The following ASCC3 variants were observed in gnomAD, a reference collection of about 807,000 sequenced individuals.
ASCC3 encodes ASC-1 complex subunit P200.
A neutral mutation model predicts 256.3 loss-of-function variants in ASCC3; 158 were observed. The ratio of observed to expected loss-of-function variants is 0.62; its 90% CI spans 0.54 to 0.70. The LOEUF (loss-of-function observed/expected upper bound fraction) is 0.70, where lower values mean the gene tolerates loss of function less well. ASCC3 is among the 30% of genes least tolerant of loss of function. The probability of loss-of-function intolerance (pLI) is 0.00; values close to 1 mark genes in which losing one functional copy is unlikely to be tolerated. For missense variants in ASCC3, 2,259 were observed against 2,626.0 expected (o/e 0.86, Z 3.05); for synonymous variants, 948 against 883.4 (o/e 1.07, Z -1.30).
intron 4 of ASCC3, among the ~76,000 whole-genome samples, chr6:100,824,072 C>A (rs1475200734): frequency 6.6e-6 from 1 of 152,096 alleles, no homozygotes; most frequent in South Asian, 2.1e-4. Flanking sequence ...CATAAATCTA[C>A]AAACTGGGTT....
Position 100,509,402 on chromosome 6 carries a change from T to G in ASCC3, c.6593A>C (p.Asp2198Ala). The change falls in exon 42 of 42, where the codon GAC becomes GCC. Residue 2198 changes from aspartate (D) to alanine (A), a missense_variant. Physicochemically the swap from Asp to Ala is moderately radical, Grantham distance 126. This residue lies in a region of ASCC3 where 1,839 missense variants were observed against 2,206.7 expected (regional missense o/e 0.83). Transcript: ENST00000369162. ...VNTKVSDSLT[D>A]LALK ...CAGGTCAAGTTACTTTAATGCCAGG[T>G]CAGTCAGGGAATCAGAGACCTTGGT... The G allele has an allele frequency of 1.2e-6, 2 of 1,614,180 alleles. No individual in the cohort carries two copies. Among genetic ancestry groups the G allele is most frequent in the South Asian group, 1.1e-5 (1 of 91,088 alleles).
At chr6:100,562,838 C>T (rs1373802886) in intron 36 of ASCC3, among the ~76,000 whole-genome samples, 1 of 151,974 alleles carries the variant, frequency 6.6e-6, no homozygotes, top group Non-Finnish European at 1.5e-5. Flanking sequence ...TATCAAATTT[C>T]CAGGTCAATG....
chr6:100,710,525 T>G (rs1267534782), intron 13 of ASCC3, among the ~76,000 whole-genome samples: 3 of 152,142 alleles, frequency 2.0e-5, no homozygotes, highest in African/African-American at 7.2e-5. Context: ...AGGCAATGAA[T>G]GGATTTACAA....
chr6:100,593,359 C>T (rs1010106703), intron 34 of ASCC3, among the ~76,000 whole-genome samples: 2 of 152,054 alleles, frequency 1.3e-5, no homozygotes, highest in African/African-American at 4.8e-5. Flanking sequence ...TAAAAATTTA[C>T]AAAGTTCGTA....
At chr6:100,805,589 G>T (rs2114363768) in intron 5 of ASCC3, among the ~76,000 whole-genome samples, 171 bp downstream of exon 5, 1 of 152,108 alleles carries the variant, frequency 6.6e-6, no homozygotes, top group African/African-American at 2.4e-5. Context: ...CTCCTATTTA[G>T]ATCACTTACG....
chr6:100,594,293 T>C (rs1176751109), intron 34 of ASCC3, among the ~76,000 whole-genome samples: 1 of 152,142 alleles, frequency 6.6e-6, no homozygotes, highest in African/African-American at 2.4e-5. Context: ...ATATTCTTCC[T>C]TCCCAAGGAA....
intron 34 of ASCC3, among the ~76,000 whole-genome samples, chr6:100,596,539 AAT>A (rs1350455046): frequency 6.6e-6 from 1 of 152,154 alleles, no homozygotes; most frequent in Non-Finnish European, 1.5e-5. Flanking sequence ...GTTTGTTACC[AAT>A]ATGATACACT....
intron 13 of ASCC3, among the ~76,000 whole-genome samples, chr6:100,701,813 T>C (rs1582722957): frequency 6.6e-6 from 1 of 152,172 alleles, no homozygotes; most frequent in East Asian, 1.9e-4. Context: ...AAGAATTTGG[T>C]AGAGTACAAC....
At chr6:100,626,721 T>C (rs969467795) in intron 29 of ASCC3, among the ~76,000 whole-genome samples, 2 of 152,142 alleles carry the variant, frequency 1.3e-5, no homozygotes, top group Admixed American at 1.3e-4. Flanking sequence ...TGATAAATCA[T>C]ATTAGAGATA....
intron 30 of ASCC3, among the ~76,000 whole-genome samples, chr6:100,608,090 C>CTATATATATATATATATGTATATATATG (rs1474884642): frequency 1.4e-5 from 1 of 71,622 alleles, no homozygotes; most frequent in Non-Finnish European, 2.7e-5. Context: ...GTATATATAT[C>CTATATATATATATATATGTATATATATG]TATATACACA....
chr6:100,858,006 CCT>C (rs1468237381), intron 3 of ASCC3: 2 of 159,672 alleles, frequency 1.3e-5, no homozygotes, highest in Non-Finnish European at 2.7e-5. Context: ...TTGGTATATC[CCT>C]CTGTTTATTT....
intron 10 of ASCC3, among the ~76,000 whole-genome samples, chr6:100,760,049 T>G (rs1049617892): frequency 1.3e-5 from 2 of 152,158 alleles, no homozygotes; most frequent in Admixed American, 6.6e-5. Flanking sequence ...TAAGGAGTTT[T>G]GGGGCTGAGC....
At chr6:100,801,204 G>C (rs1769901369) in intron 5 of ASCC3, among the ~76,000 whole-genome samples, 1 of 152,058 alleles carries the variant, frequency 6.6e-6, no homozygotes, top group Admixed American at 6.6e-5. Flanking sequence ...TACCTTCTGT[G>C]TTTGTTTAAA....
At chr6:100,554,959 A>C (rs1482435147) in intron 36 of ASCC3, among the ~76,000 whole-genome samples, 1 of 151,906 alleles carries the variant, frequency 6.6e-6, no homozygotes, top group Non-Finnish European at 1.5e-5. Flanking sequence ...TATGATTTGG[A>C]CTTTTATTAA....
rs140667886 is a variant in ASCC3, at chr6:100,863,480, T to G, written c.241+584A>C. The stretch of plus-strand genomic sequence containing the variant: ...AATTTTAATTTACTTTATCCTTATT[T>G]TAATCAAGACAGTGGTTTTCAAACA... On this transcript the variant is annotated intron_variant, in intron 3 of 41. Transcript: ENST00000369162. Among the ~76,000 whole-genome samples the G allele has an allele frequency of 2.6e-5, 4 of 152,316 alleles. No individual in the cohort carries two copies. The East Asian group carries it at 7.7e-4, about 29-fold the overall frequency.
intron 37 of ASCC3, chr6:100,530,543 CT>C (rs973127992): frequency 5.1e-6 from 4 of 783,488 alleles, no homozygotes. Context: ...TATAGCAGTT[CT>C]GTGATGGCCT....
At chr6:100,729,938 T>A (rs1779822190) in intron 10 of ASCC3, among the ~76,000 whole-genome samples, 1 of 152,080 alleles carries the variant, frequency 6.6e-6, no homozygotes, top group Admixed American at 6.6e-5. Context: ...TACAATAGTA[T>A]ACTATATATC....
rs1276539151 is a variant in ASCC3 at position 100,569,825 on chromosome 6, A to T, written c.5550+19809T>A. On this transcript the variant is annotated intron_variant, in intron 36 of 41. Coordinates refer to ENST00000369162, the MANE Select transcript of ASCC3 (RefSeq NM_006828.4). ...TTTTCCCAATTCTGTGAAAAATGAC[A>T]TTGGTAGTTTGACAGGAATAGCATT... 2.0e-5 allele frequency among the ~76,000 whole-genome samples: 3 copies of T among 152,262 alleles called. No individual in the cohort carries two copies. In the East Asian group the frequency reaches 5.8e-4, roughly 29 times the overall value.
intron 8 of ASCC3, among the ~76,000 whole-genome samples, chr6:100,793,984 TTCTC>T (rs1397267134): frequency 6.6e-6 from 1 of 152,092 alleles, no homozygotes; most frequent in East Asian, 1.9e-4. Flanking sequence ...TTCTAAATTC[TTCTC>T]TCTGCCTCAT....
Sources: allele counts gnomAD v4.1 joint callset (sites outside exome capture counted in the v4.1 genomes callset), GRCh38; gene constraint gnomAD v4.1.1; regional missense constraint gnomAD v4.1.1; transcripts MANE v1.5; gene names NCBI Gene and HGNC (gene_info 2026-07-23, HGNC 2026-07-21).